The following TUSC3 variants were observed in gnomAD, a reference collection of about 807,000 sequenced individuals.
TUSC3 encodes tumor suppressor candidate 3, also known as dolichyl-diphosphooligosaccharide--protein glycosyltransferase subunit TUSC3.
A neutral mutation model predicts 44.8 loss-of-function variants in TUSC3; 45 were observed. The observed-to-expected ratio is 1.00, with a 90% CI of 0.79 to 1.29. TUSC3 has a LOEUF of 1.29. Among genes scored for constraint, TUSC3 ranks in the 50% most tolerant of loss-of-function variants. The pLI, the probability that TUSC3 is intolerant of heterozygous loss-of-function variation, is 0.00. For missense variants in TUSC3, 519 were observed against 437.9 expected, an observed-to-expected ratio of 1.19 and a Z score of -1.65; for synonymous variants, 212 against 152.9, an observed-to-expected ratio of 1.39 and a Z score of -2.85.
intron 4 of TUSC3, among the ~76,000 whole-genome samples, chr8:15,660,818 C>T (rs1275104242): frequency 6.7e-6 from 1 of 150,006 alleles, no homozygotes; most frequent in African/African-American, 2.5e-5. Flanking sequence ...CTATTGTTTC[C>T]TTATAAGAAA....
At chr8:15,696,767 T>A (rs1809187103) in intron 6 of TUSC3, among the ~76,000 whole-genome samples, 1 of 152,194 alleles carries the variant, frequency 6.6e-6, no homozygotes, top group Non-Finnish European at 1.5e-5. Flanking sequence ...TTTGGTTATG[T>A]CTTTTCCTGG....
chr8:15,614,126 C>A (rs1012673161), intron 1 of TUSC3, among the ~76,000 whole-genome samples: 2 of 151,494 alleles, frequency 1.3e-5, no homozygotes, highest in African/African-American at 4.9e-5. Context: ...TATTTAGTAC[C>A]AAAATTGTGT....
At chr8:15,816,383 TCTC>T in the TUSC3 span, among the ~76,000 whole-genome samples, 1 of 152,132 alleles carries the variant, frequency 6.6e-6, no homozygotes, top group Non-Finnish European at 1.5e-5. Flanking sequence ...TTTTCACTAT[TCTC>T]CTGAGAACAA....
intron 6 of TUSC3, among the ~76,000 whole-genome samples, chr8:15,726,573 A>T (rs536006887): frequency 1.3e-5 from 2 of 152,268 alleles, no homozygotes; most frequent in Non-Finnish European, 1.5e-5. Flanking sequence ...TGGGAGGCCA[A>T]ACTGGCCGGA....
At chr8:15,686,069 A>T (rs1808615595) in intron 6 of TUSC3, among the ~76,000 whole-genome samples, 1 of 152,094 alleles carries the variant, frequency 6.6e-6, no homozygotes. Context: ...TTTGTTTGTC[A>T]CTATTAAGAT....
intron 5 of TUSC3, among the ~76,000 whole-genome samples, chr8:15,665,859 T>C (rs1196454276): frequency 6.6e-6 from 1 of 151,412 alleles, no homozygotes; most frequent in Admixed American, 6.6e-5. Context: ...TGTTAACTAC[T>C]ATTTATAGAT....
the TUSC3 span, among the ~76,000 whole-genome samples, chr8:15,774,146 C>T: frequency 2.0e-5 from 3 of 152,110 alleles, no homozygotes; most frequent in East Asian, 1.9e-4. Context: ...TGATAAGGAC[C>T]TAGTATCCAA....
intron 2 of TUSC3, among the ~76,000 whole-genome samples, chr8:15,506,888 T>G (rs1436673847): frequency 6.6e-6 from 1 of 152,134 alleles, no homozygotes; most frequent in Non-Finnish European, 1.5e-5. Flanking sequence ...CCAGGAAGAA[T>G]GTAGACAGAC....
intron 1 of TUSC3, among the ~76,000 whole-genome samples, chr8:15,454,778 A>G (rs1006089464): frequency 2.0e-5 from 3 of 152,230 alleles, no homozygotes; most frequent in Admixed American, 6.5e-5. Flanking sequence ...GGAAGCTTAT[A>G]TAGTAAACTT....
intron 1 of TUSC3, among the ~76,000 whole-genome samples, chr8:15,457,914 A>G (rs1800282048): frequency 6.7e-6 from 1 of 149,258 alleles, no homozygotes; most frequent in Non-Finnish European, 1.5e-5. Flanking sequence ...TACTAATTGA[A>G]TAATAATTAG....
intron 1 of TUSC3, among the ~76,000 whole-genome samples, chr8:15,557,873 G>A (rs1802322234): frequency 9.4e-6 from 1 of 106,706 alleles, no homozygotes. Flanking sequence ...AGACTTTGCT[G>A]AAGTTGCTTA....
chr8:15,692,379 T>TTTTTG (rs1808951613), intron 6 of TUSC3, among the ~76,000 whole-genome samples: 1 of 48,854 alleles, frequency 2.0e-5, no homozygotes, highest in African/African-American at 6.9e-5. Flanking sequence ...CCCTTTGTTT[T>TTTTTG]TTTTTTTTTT....
chr8:15,788,677 A>G, the TUSC3 span, among the ~76,000 whole-genome samples: 1 of 152,146 alleles, frequency 6.6e-6, no homozygotes, highest in Non-Finnish European at 1.5e-5. Context: ...ATCAGGTGAA[A>G]GGTTAATTTC....
At chr8:15,503,709 CA>C in intron 2 of TUSC3, among the ~76,000 whole-genome samples, 1 of 151,570 alleles carries the variant, frequency 6.6e-6, no homozygotes, top group African/African-American at 2.4e-5. Flanking sequence ...GTGTCTTAAA[CA>C]AAAAAATATC....
chr8:15,507,955 T>C (rs982968550), intron 2 of TUSC3, among the ~76,000 whole-genome samples: 1 of 152,110 alleles, frequency 6.6e-6, no homozygotes, highest in East Asian at 1.9e-4. Flanking sequence ...CAAAACTTGC[T>C]CTGAGGCCAG....
At chr8:15,815,599 T>C in the TUSC3 span, among the ~76,000 whole-genome samples, 1 of 152,140 alleles carries the variant, frequency 6.6e-6, no homozygotes, top group African/African-American at 2.4e-5. Flanking sequence ...AACAGAAGCA[T>C]CTGTCAGCGA....
At chr8:15,815,566 G>C in the TUSC3 span, among the ~76,000 whole-genome samples, 1 of 151,822 alleles carries the variant, frequency 6.6e-6, no homozygotes, top group African/African-American at 2.4e-5. Context: ...AGGAGAGACA[G>C]AGGAAGAGTA....
At chr8:15,681,577 T>C (rs1002230229) in intron 6 of TUSC3, among the ~76,000 whole-genome samples, 2 of 151,812 alleles carry the variant, frequency 1.3e-5, no homozygotes, top group Admixed American at 6.6e-5. Flanking sequence ...TTTTCTTTAT[T>C]AGCCAGTAGT....
chr8:15,755,222 T>C (rs1811873381), intron 9 of TUSC3, among the ~76,000 whole-genome samples: 1 of 152,130 alleles, frequency 6.6e-6, no homozygotes, highest in African/African-American at 2.4e-5. Context: ...TTTGTCAAGC[T>C]AAGTTCTCAT....
Sources: gnomAD v4.1 joint callset for allele counts (sites outside exome capture counted in the v4.1 genomes callset) on GRCh38, gnomAD v4.1.1 for gene constraint, MANE v1.5 for transcripts, NCBI Gene and HGNC (gene_info 2026-07-23, HGNC 2026-07-21) for gene names.